Variants in DPYD observed in about 807,000 individuals in gnomAD.
DPYD encodes dihydropyrimidine dehydrogenase [NADP(+)].
In DPYD, 109 loss-of-function variants were observed where a neutral mutation model predicts 116.2. The ratio of observed to expected loss-of-function variants is 0.94; its 90% CI spans 0.80 to 1.10. The LOEUF (loss-of-function observed/expected upper bound fraction) is 1.10, where lower values mean the gene tolerates loss of function less well. Among genes scored for constraint, DPYD ranks in the 50% least tolerant of loss-of-function variants. DPYD has a pLI of 0.00. For synonymous variants in DPYD, 440 were observed against 432.0 expected, an observed-to-expected ratio of 1.02 and a Z score of -0.23; for missense variants, 1,302 against 1,254.5, an observed-to-expected ratio of 1.04 and a Z score of -0.57.
intron 12 of DPYD, among the ~76,000 whole-genome samples, chr1:97,535,158 AT>A (rs1369941304): frequency 1.3e-5 from 2 of 152,252 alleles, no homozygotes; most frequent in East Asian, 3.9e-4. Context: ...GGATGCCATT[AT>A]ACCATCCTGG....
At chr1:97,246,694 AC>A (rs1402034623) in intron 18 of DPYD, among the ~76,000 whole-genome samples, 1 of 151,912 alleles carries the variant, frequency 6.6e-6, no homozygotes, top group African/African-American at 2.4e-5. Context: ...AAAACAGCCT[AC>A]CCCCAGCTCT....
chr1:97,773,179 A>G (rs1342931411), intron 3 of DPYD, among the ~76,000 whole-genome samples: 1 of 152,184 alleles, frequency 6.6e-6, no homozygotes, highest in Admixed American at 6.5e-5. Flanking sequence ...GTATTCTTAC[A>G]TCAATCCTGG....
intron 20 of DPYD, among the ~76,000 whole-genome samples, chr1:97,176,948 G>A (rs1240529804): frequency 6.6e-6 from 1 of 151,108 alleles, no homozygotes; most frequent in Non-Finnish European, 1.5e-5. Context: ...TTCACACACA[G>A]AAATATTGTT....
At chr1:97,304,370 A>C (rs1667038835) in intron 18 of DPYD, among the ~76,000 whole-genome samples, 1 of 151,982 alleles carries the variant, frequency 6.6e-6, no homozygotes, top group African/African-American at 2.4e-5. Flanking sequence ...TCTTTCTGAC[A>C]TTGTGGGAAT....
chr1:97,649,068 T>A (rs1325984831), intron 8 of DPYD, among the ~76,000 whole-genome samples: 1 of 152,090 alleles, frequency 6.6e-6, no homozygotes, highest in Non-Finnish European at 1.5e-5. Flanking sequence ...GTTAAGCATG[T>A]TAGGCTACAT....
intron 19 of DPYD, among the ~76,000 whole-genome samples, chr1:97,226,853 T>G (rs186782118): frequency 1.7e-4 from 26 of 152,262 alleles, no homozygotes; most frequent in African/African-American, 6.3e-4. Context: ...CTGGCATTTT[T>G]CATAAAAAAA....
At chr1:97,770,842 C>T (rs1187906418) in intron 3 of DPYD, among the ~76,000 whole-genome samples, 1 of 152,010 alleles carries the variant, frequency 6.6e-6, no homozygotes, top group East Asian at 1.9e-4. Context: ...TATGTGCACA[C>T]ATATACACAG....
chr1:97,387,373 A>G (rs1288468495), intron 14 of DPYD, among the ~76,000 whole-genome samples: 1 of 152,106 alleles, frequency 6.6e-6, no homozygotes, highest in African/African-American at 2.4e-5. Context: ...ATATTTCTTG[A>G]GCTCCACTAT....
At chr1:97,675,679 A>T (rs1446883163) in intron 8 of DPYD, among the ~76,000 whole-genome samples, 1 of 152,182 alleles carries the variant, frequency 6.6e-6, no homozygotes, top group African/African-American at 2.4e-5. Context: ...TCTAACGTAG[A>T]ATAAGATAGT....
chr1:97,454,294 G>A (rs1676570942), intron 13 of DPYD, among the ~76,000 whole-genome samples: 1 of 151,878 alleles, frequency 6.6e-6, no homozygotes, highest in South Asian at 2.1e-4. Context: ...TATAACTAGA[G>A]TTAGAGTTTA....
chr1:97,250,606 T>C (rs1318292611), intron 18 of DPYD, among the ~76,000 whole-genome samples: 1 of 152,114 alleles, frequency 6.6e-6, no homozygotes, highest in Non-Finnish European at 1.5e-5. Flanking sequence ...AAAAATTATA[T>C]TGAACGTAAA....
At chr1:97,362,366 G>A (rs1670781497) in intron 16 of DPYD, among the ~76,000 whole-genome samples, 1 of 152,116 alleles carries the variant, frequency 6.6e-6, no homozygotes, top group Non-Finnish European at 1.5e-5. Context: ...TCGTGAAAAT[G>A]GCCATACTGC....
At chr1:97,493,687 G>C (rs1248605031) in intron 13 of DPYD, among the ~76,000 whole-genome samples, 1 of 152,026 alleles carries the variant, frequency 6.6e-6, no homozygotes, top group Non-Finnish European at 1.5e-5. Flanking sequence ...ATGAGCTATG[G>C]GACTCAAAAG....
chr1:97,485,800 G>A (rs918398834), intron 13 of DPYD, among the ~76,000 whole-genome samples: 3 of 152,016 alleles, frequency 2.0e-5, no homozygotes, highest in Admixed American at 1.3e-4. Flanking sequence ...ATCTGCAGTT[G>A]GCTAAGTAAC....
chr1:97,858,367 AT>A (rs1414548813), intron 2 of DPYD, among the ~76,000 whole-genome samples: 1 of 152,152 alleles, frequency 6.6e-6, no homozygotes, highest in Admixed American at 6.5e-5. Context: ...CAAAATTATG[AT>A]TTTTTGTTTT....
intron 1 of DPYD, among the ~76,000 whole-genome samples, chr1:97,920,670 C>G (rs1465123393): frequency 6.6e-6 from 1 of 152,220 alleles, no homozygotes; most frequent in East Asian, 1.9e-4. Context: ...GGCAACCCCT[C>G]CAGTAGCGGA....
intron 19 of DPYD, among the ~76,000 whole-genome samples, chr1:97,219,491 C>A (rs191071668): frequency 4.5e-4 from 68 of 152,180 alleles, no homozygotes; most frequent in Non-Finnish European, 2.9e-4. Flanking sequence ...AGAACATGTG[C>A]TTTGGAGACA....
chr1:97,287,451 C>A (rs1665778083), intron 18 of DPYD, among the ~76,000 whole-genome samples: 1 of 152,156 alleles, frequency 6.6e-6, no homozygotes, highest in Admixed American at 6.5e-5. Flanking sequence ...CCACTGCTCT[C>A]TTCAAAGCTG....
At chr1:97,197,194 AG>A (rs1333663312) in intron 19 of DPYD, among the ~76,000 whole-genome samples, 1 of 152,198 alleles carries the variant, frequency 6.6e-6, no homozygotes, top group Non-Finnish European at 1.5e-5. Flanking sequence ...AACATTAATT[AG>A]GCCTGTTATA....
Sources: allele counts gnomAD v4.1 joint callset (sites outside exome capture counted in the v4.1 genomes callset), GRCh38; gene constraint gnomAD v4.1.1; transcripts MANE v1.5; gene names NCBI Gene and HGNC (gene_info 2026-07-23, HGNC 2026-07-21).